The following AUTS2 variants were observed in gnomAD, a reference collection of about 807,000 sequenced individuals.
The protein encoded by AUTS2 is autism susceptibility gene 2 protein.
Under a neutral mutation model 112.4 loss-of-function variants are expected in AUTS2, and 17 were observed. The observed-to-expected ratio is 0.15, with a 90% CI of 0.10 to 0.23. The LOEUF (loss-of-function observed/expected upper bound fraction) is 0.23. Ranked by LOEUF, AUTS2 falls within the 10% of genes least tolerant of loss-of-function variation. The pLI, the probability that AUTS2 is intolerant of heterozygous loss-of-function variation, is 1.00. For synonymous variants in AUTS2, 751 were observed against 702.7 expected, an observed-to-expected ratio of 1.07 and a Z score of -1.09; for missense variants, 1,510 against 1,701.6, an observed-to-expected ratio of 0.89 and a Z score of 1.98.
At chr7:70,582,498 C>T (rs1585330974) in intron 5 of AUTS2, among the ~76,000 whole-genome samples, 2 of 152,118 alleles carry the variant, frequency 1.3e-5, no homozygotes, top group East Asian at 3.9e-4. Flanking sequence ...ACCACGTTGC[C>T]CAAAGAAATA....
At chr7:70,603,323 C>A (rs1484599533) in intron 5 of AUTS2, among the ~76,000 whole-genome samples, 5 of 152,186 alleles carry the variant, frequency 3.3e-5, no homozygotes, top group Non-Finnish European at 5.9e-5. Flanking sequence ...ACCCACACTC[C>A]TCCCAGTGTC....
At chr7:69,643,691 T>C (rs1291223988) in intron 1 of AUTS2, among the ~76,000 whole-genome samples, 1 of 152,052 alleles carries the variant, frequency 6.6e-6, no homozygotes, top group Non-Finnish European at 1.5e-5. Flanking sequence ...CATTAAGTGT[T>C]TGTCAAAGGA....
intron 5 of AUTS2, among the ~76,000 whole-genome samples, chr7:70,461,643 AG>A (rs1796968059): frequency 6.6e-6 from 1 of 152,214 alleles, no homozygotes; most frequent in Non-Finnish European, 1.5e-5. Flanking sequence ...ATACGTTGCT[AG>A]TTTTGAATTG....
chr7:70,144,523 G>A (rs1807023890), intron 4 of AUTS2, among the ~76,000 whole-genome samples: 1 of 151,996 alleles, frequency 6.6e-6, no homozygotes, highest in South Asian at 2.1e-4. Flanking sequence ...TTTGTACAGA[G>A]GCATAATAGA....
At chr7:70,765,661 AT>A (rs1029150195) in intron 8 of AUTS2, among the ~76,000 whole-genome samples, 3 of 152,206 alleles carry the variant, frequency 2.0e-5, no homozygotes, top group Non-Finnish European at 2.9e-5. Flanking sequence ...AACAGCTGAC[AT>A]TTATTAGTGT....
At chr7:69,645,508 C>G (rs1469242649) in intron 1 of AUTS2, among the ~76,000 whole-genome samples, 1 of 152,100 alleles carries the variant, frequency 6.6e-6, no homozygotes, top group Admixed American at 6.5e-5. Flanking sequence ...ATAAATCTTA[C>G]CTTTTGTACA....
At chr7:70,068,209 T>C (rs1010215978) in intron 2 of AUTS2, among the ~76,000 whole-genome samples, 2 of 150,872 alleles carry the variant, frequency 1.3e-5, no homozygotes, top group Admixed American at 6.6e-5. Flanking sequence ...GATGGAGTCT[T>C]GCTTGTGGCC....
chr7:70,167,556 G>A (rs531327492), intron 4 of AUTS2, among the ~76,000 whole-genome samples: 1 of 152,092 alleles, frequency 6.6e-6, no homozygotes, highest in African/African-American at 2.4e-5. Context: ...CAACACTACC[G>A]GTCACCTTGA....
intron 6 of AUTS2, among the ~76,000 whole-genome samples, chr7:70,746,249 G>A (rs951729548): frequency 2.6e-5 from 4 of 152,146 alleles, no homozygotes; most frequent in Admixed American, 6.5e-5. Flanking sequence ...CGGTTCAAGC[G>A]ATTCTCCTGC....
intron 10 of AUTS2, among the ~76,000 whole-genome samples, chr7:70,770,369 T>G (rs1790259676): frequency 6.6e-6 from 1 of 152,236 alleles, no homozygotes; most frequent in African/African-American, 2.4e-5. Flanking sequence ...GATTGCGAAA[T>G]GTGAATTTCA....
At chr7:69,751,123 T>C (rs1158558344) in intron 1 of AUTS2, among the ~76,000 whole-genome samples, 2 of 152,160 alleles carry the variant, frequency 1.3e-5, no homozygotes, top group African/African-American at 4.8e-5. Context: ...TTTGGGTGTG[T>C]GAGTTAAGAA....
chr7:70,245,134 GTGTGTGTGTGTATATATATATATA>G (rs1562816957), intron 4 of AUTS2, among the ~76,000 whole-genome samples: 2 of 63,362 alleles, frequency 3.2e-5, no homozygotes, highest in African/African-American at 1.2e-4. Flanking sequence ...AAAAAAAAAA[GTGTGTGTGTGTATATATATATATA>G]TATATATATA....
chr7:70,065,430 A>G (rs1802443075), intron 2 of AUTS2, among the ~76,000 whole-genome samples: 1 of 152,160 alleles, frequency 6.6e-6, no homozygotes, highest in Non-Finnish European at 1.5e-5. Flanking sequence ...ACGGTGGCTA[A>G]CACCTGTAAT....
chr7:70,303,023 T>A (rs1371321104), intron 4 of AUTS2, among the ~76,000 whole-genome samples: 1 of 152,050 alleles, frequency 6.6e-6, no homozygotes. Flanking sequence ...CCCTTGTGGC[T>A]GTGCAGAAGA....
chr7:70,240,390 A>G (rs966459882), intron 4 of AUTS2, among the ~76,000 whole-genome samples: 1 of 152,190 alleles, frequency 6.6e-6, no homozygotes, highest in Non-Finnish European at 1.5e-5. Flanking sequence ...TGTGGTTTTC[A>G]TGGGGATTTT....
chr7:69,741,608 G>A (rs1480071758), intron 1 of AUTS2, among the ~76,000 whole-genome samples: 1 of 152,010 alleles, frequency 6.6e-6, no homozygotes, highest in Admixed American at 6.6e-5. Flanking sequence ...GGGAGGCTGA[G>A]GCAGGAGGAT....
intron 4 of AUTS2, among the ~76,000 whole-genome samples, chr7:70,322,657 T>C (rs1790308385): frequency 6.6e-6 from 1 of 152,120 alleles, no homozygotes; most frequent in Admixed American, 6.5e-5. Context: ...TGTGTCATAG[T>C]TTTTTGTTTG....
At chr7:69,670,201 C>T (rs1427965817) in intron 1 of AUTS2, among the ~76,000 whole-genome samples, 1 of 152,074 alleles carries the variant, frequency 6.6e-6, no homozygotes, top group Non-Finnish European at 1.5e-5. Context: ...ATGGAAATGA[C>T]CTTTTCATGC....
intron 1 of AUTS2, among the ~76,000 whole-genome samples, chr7:69,658,943 T>C (rs1795666983): frequency 6.6e-6 from 1 of 152,222 alleles, no homozygotes; most frequent in African/African-American, 2.4e-5. Flanking sequence ...TATTCACATA[T>C]CCACTTCCAT....
Sources: allele counts gnomAD v4.1 joint callset (sites outside exome capture counted in the v4.1 genomes callset), GRCh38; gene constraint gnomAD v4.1.1; transcripts MANE v1.5; gene names NCBI Gene and HGNC (gene_info 2026-07-23, HGNC 2026-07-21).